Variants in VSIG8 observed in about 807,000 individuals in gnomAD.
VSIG8 encodes V-set and immunoglobulin domain containing 8, also known as V-set and immunoglobulin domain-containing protein 8.
A neutral mutation model predicts 42.6 loss-of-function variants in VSIG8; 32 were observed. The ratio of observed to expected loss-of-function variants is 0.75; its 90% confidence interval spans 0.57 to 1.01. The LOEUF is 1.01. VSIG8 is among the 50% of genes least tolerant of loss of function. The pLI, the probability that VSIG8 is intolerant of heterozygous loss-of-function variation, is 0.00. For missense variants in VSIG8, 529 were observed against 558.0 expected, an observed-to-expected ratio of 0.95 and a Z score of 0.52; for synonymous variants, 290 against 243.8, an observed-to-expected ratio of 1.19 and a Z score of -1.77.
chr1:159,854,513 G>T lies in VSIG8; in HGVS notation c.*240C>A. On this transcript the variant is annotated 3_prime_UTR_variant, in exon 7 of 7. Transcript: ENST00000368100. ...CTCCCTCCCTCTCCCCCAAGCCTTC[G>T]GTCCCGGGGGTGCGGAGAAGGCTCA... The T allele has an allele frequency of 1.4e-6, 1 of 735,160 alleles. No homozygotes were observed. The highest frequency in any genetic ancestry group is 3.5e-5 in the South Asian group (1 of 28,318). 45.5% of individuals were successfully genotyped at this position (735,160 alleles called of 1,614,324 possible). A position where few individuals can be genotyped will look rare whatever the true frequency, so the allele number is the denominator to read the frequency against.
chr1:159,862,429 C>T, intron 1 of VSIG8, 44 bp downstream of exon 1: 4 of 1,582,142 alleles, frequency 2.5e-6, no homozygotes, highest in South Asian at 1.2e-5. Flanking sequence ...TTCCTTCCCA[C>T]CTAGCCTCAT....
chr1:159,855,499 T>C (rs1322797811), intron 6 of VSIG8: 1 of 985,172 alleles, frequency 1.0e-6, no homozygotes, highest in Admixed American at 6.1e-5. Context: ...ATTTCTAGTT[T>C]GCTTCTAATA....
Position 159,862,557 on chromosome 1 carries a change from G to A in VSIG8, c.-36C>T. The A allele has an allele frequency of 6.3e-7, 1 of 1,596,742 alleles. No individual in the cohort carries two copies. Among genetic ancestry groups the A allele is most frequent in the South Asian group, 1.1e-5 (1 of 90,200 alleles). ...TCGGTGTTTCCTCCGTCTGGGCTGGGTATCCCGTGGGGTCGTAGTGGTGGG... is the reference window on the plus strand; with the variant it reads ...TCGGTGTTTCCTCCGTCTGGGCTGGATATCCCGTGGGGTCGTAGTGGTGGG... On this transcript the variant is annotated 5_prime_UTR_variant, in exon 1 of 7. Coordinates refer to ENST00000368100, the MANE Select transcript of VSIG8 (RefSeq NM_001013661.1).
intron 1 of VSIG8, 121 bp downstream of exon 1, chr1:159,862,351 AG>A: frequency 9.6e-7 from 1 of 1,040,006 alleles, no homozygotes; most frequent in Non-Finnish European, 1.4e-6. Flanking sequence ...CAGCAGGGCA[AG>A]GGTGGGCAGC....
chr1:159,855,391 C>G (rs750741910), intron 6 of VSIG8: 253 of 1,429,212 alleles, frequency 1.8e-4, no homozygotes, highest in Non-Finnish European at 2.1e-4. Flanking sequence ...CTCGAGCAAT[C>G]TCTCTCTTTC....
chr1:159,862,267 A>G, intron 1 of VSIG8: 1 of 534,410 alleles, frequency 1.9e-6, no homozygotes, highest in Non-Finnish European at 3.3e-6. Context: ...CCTCTGCACT[A>G]CAGACACACA....
chr1:159,857,838 G>T lies in VSIG8; in HGVS notation c.559C>A (p.His187Asn). ...SYKWAKISGH[H>N]YPYRAGSYTS... ...TAAGACCCAGCTCGATAGGGGTAAT[G>T]GTGCCCACTGATCTTGGCCCACTTG... Residue 187 changes from histidine to asparagine, a missense_variant, in exon 4 of 7, where the codon CAT (histidine) becomes AAT (asparagine). His to Asn is a moderately conservative substitution (Grantham distance 68). Coordinates refer to ENST00000368100, the MANE Select transcript of VSIG8 (RefSeq NM_001013661.1). 1.2e-6 allele frequency: 2 copies of T among 1,614,216 alleles called. No individual in the cohort carries two copies. Among genetic ancestry groups the T allele is most frequent in the Non-Finnish European group, 1.7e-6 (2 of 1,180,028 alleles).
intron 1 of VSIG8, chr1:159,860,651 G>A (rs1372163165): frequency 6.6e-6 from 1 of 152,288 alleles, no homozygotes; most frequent in Non-Finnish European, 1.5e-5. Context: ...TCCAGCTCCA[G>A]GCCAAGAGAA....
At chr1:159,857,241 T>C (rs1300206500) in intron 4 of VSIG8, among the ~76,000 whole-genome samples, 1 of 152,168 alleles carries the variant, frequency 6.6e-6, no homozygotes, top group Admixed American at 6.5e-5. Context: ...ATAGTACTTT[T>C]GACTGACTCT....
At chr1:159,856,785 A>C in intron 4 of VSIG8, 142 bp from the exon 5 acceptor site, 1 of 1,062,936 alleles carries the variant, frequency 9.4e-7, no homozygotes. Context: ...ACACACACAC[A>C]CACACTCCAC....
intron 4 of VSIG8, 31 bp downstream of exon 4, chr1:159,857,714 C>T: frequency 6.3e-7 from 1 of 1,594,440 alleles, no homozygotes; most frequent in Non-Finnish European, 8.6e-7. Context: ...TTCCACTCAC[C>T]CCCGACTGCC....
intron 6 of VSIG8, 45 bp downstream of exon 6, chr1:159,855,838 C>A: frequency 1.3e-6 from 2 of 1,503,342 alleles, no homozygotes; most frequent in Non-Finnish European, 8.8e-7. Context: ...GGCAGGGCGC[C>A]GGTTCCCTGC....
At chr1:159,855,712 G>A in intron 6 of VSIG8, 171 bp downstream of exon 6, 2 of 951,130 alleles carry the variant, frequency 2.1e-6, no homozygotes, top group Non-Finnish European at 2.5e-6. Flanking sequence ...CAGGGGGAGG[G>A]GAAAGCCATG....
Position 159,854,938 on chromosome 1 carries a change from G to T in VSIG8, c.1060C>A (p.Arg354Ser). Residue 354 changes from arginine (R) to serine (S), a missense_variant, in exon 7 of 7, where the codon CGC (arginine) becomes AGC (serine). Transcript: ENST00000368100. ...LLGYPTQNVS[R>S]SLRRKYAPPP... ...GGCGCGTACTTGCGGCGCAGGGAGC[G>T]GCTGACGTTCTGCGTCGGGTACCCC... 6.6e-7 allele frequency: 1 copy of T among 1,520,420 alleles called. No individual in the cohort carries two copies. Among genetic ancestry groups the T allele is most frequent in the Non-Finnish European group, 8.8e-7 (1 of 1,141,710 alleles). The allele number at this position is 1,520,420 out of a possible 1,614,324, so 94.2% of individuals were successfully genotyped here.
intron 2 of VSIG8, 40 bp downstream of exon 2, chr1:159,858,694 T>G: frequency 6.4e-7 from 1 of 1,567,240 alleles, no homozygotes; most frequent in East Asian, 2.2e-5. Flanking sequence ...GTAGACATCA[T>G]GAAGCCTAGA....
chr1:159,862,245 T>A, intron 1 of VSIG8: 1 of 455,338 alleles, frequency 2.2e-6, no homozygotes, highest in Non-Finnish European at 3.9e-6. Context: ...CATATAAAGA[T>A]CCACTCAAAG....
chr1:159,860,476 C>T (rs6682587), intron 1 of VSIG8, among the ~76,000 whole-genome samples: 17,401 of 152,230 alleles, frequency 0.11, 1,496 homozygotes, highest in African/African-American at 0.24. Flanking sequence ...CCAGAGAGGC[C>T]AGCAAGGGCC....
intron 4 of VSIG8, among the ~76,000 whole-genome samples, chr1:159,857,151 C>T (rs1394522217): frequency 6.6e-6 from 1 of 152,178 alleles, no homozygotes; most frequent in Admixed American, 6.5e-5. Flanking sequence ...AGCCACTTGC[C>T]TTAAACTTGG....
At position 159,856,567 on chromosome 1, in the gene VSIG8, G is replaced by A. The variant is rs773471965; in HGVS notation, c.729C>T (p.Asn243=). Residue 243 remains asparagine, a synonymous_variant, in exon 5 of 7, where the codon AAC becomes AAT. Transcript: ENST00000368100. Reference sequence around the variant, plus strand: ...CCACACAAACACTGTAGCCCACGTTGTTGGCCACTGTGCACTGATACAGCC... The same window carrying A: ...CCACACAAACACTGTAGCCCACGTTATTGGCCACTGTGCACTGATACAGCC... ...DDGLYQCTVA[N]NVGYSVCVVE... 6.2e-7 allele frequency: 1 copy of A among 1,614,076 alleles called. No individual in the cohort carries two copies. The highest frequency in any genetic ancestry group is 1.3e-5 in the African/African-American group (1 of 74,924).
Sources: allele counts gnomAD v4.1 joint callset (sites outside exome capture counted in the v4.1 genomes callset), GRCh38; gene constraint gnomAD v4.1.1; transcripts MANE v1.5; gene names NCBI Gene and HGNC (gene_info 2026-07-23, HGNC 2026-07-21).